AHCYL2: variants seen among roughly 807,000 people sequenced by gnomAD.
AHCYL2 encodes the protein adenosylhomocysteinase like 2.
A neutral mutation model predicts 81.4 loss-of-function variants in AHCYL2; 28 were observed. The observed-to-expected ratio is 0.34, with a 90% CI of 0.25 to 0.47. AHCYL2 has a LOEUF of 0.47. Among genes scored for constraint, AHCYL2 ranks in the 20% least tolerant of loss-of-function variants. AHCYL2 has a pLI of 1.00. For missense variants in AHCYL2, 551 were observed against 785.1 expected (o/e 0.70, Z 3.56); for synonymous variants, 272 against 290.2 (o/e 0.94, Z 0.64).
chr7:129,286,718 C>A (rs1162894636), intron 1 of AHCYL2, among the ~76,000 whole-genome samples: 1 of 152,120 alleles, frequency 6.6e-6, no homozygotes, highest in East Asian at 1.9e-4. Context: ...GCCTTGGCCT[C>A]CCAGAGTGCT....
At position 129,225,112 on chromosome 7, in the gene AHCYL2, C is replaced by A; in HGVS notation, c.36C>A (p.Ala12=). The part of the protein sequence containing the change: ...SVQVVSAAAA[A]KVPEVELKDL... The stretch of plus-strand genomic sequence containing the variant: ...AGGTTGTGTCAGCCGCGGCTGCCGC[C>A]AAGGTGCCTGAGGTGGAGCTGAAGG... Residue 12 remains alanine, a synonymous_variant, in exon 1 of 17, where the codon GCC becomes GCA. Transcript: ENST00000325006. 6.2e-7 allele frequency: 1 copy of A among 1,601,210 alleles called. No homozygotes were observed. Among genetic ancestry groups the A allele is most frequent in the South Asian group, 1.1e-5 (1 of 88,960 alleles).
At chr7:129,328,677 G>A (rs534675843) in intron 1 of AHCYL2, among the ~76,000 whole-genome samples, 65 of 152,106 alleles carry the variant, frequency 4.3e-4, no homozygotes, top group Middle Eastern at 3.4e-3. Flanking sequence ...GTAGAGATAG[G>A]GTTTCACCAT....
intron 1 of AHCYL2, among the ~76,000 whole-genome samples, chr7:129,366,776 C>CA (rs59464433): frequency 0.93 from 128,187 of 138,466 alleles, 59,329 homozygotes; most frequent in East Asian, 0.98. Flanking sequence ...AACTCTGTCT[C>CA]AAAAAAAAAA....
At chr7:129,340,708 G>A (rs62480624) in intron 1 of AHCYL2, among the ~76,000 whole-genome samples, 1 of 3,708 alleles carries the variant, frequency 2.7e-4, no homozygotes, top group Non-Finnish European at 1.2e-3. Context: ...TTACCCATTT[G>A]AGTTTTTTAA....
chr7:129,394,339 C>T (rs181763999), intron 4 of AHCYL2, among the ~76,000 whole-genome samples: 194 of 150,684 alleles, frequency 1.3e-3, no homozygotes, highest in Non-Finnish European at 2.6e-3. Context: ...GGTCTATCTT[C>T]AGGTTCACTG....
chr7:129,274,902 A>G (rs1796147590), intron 1 of AHCYL2, among the ~76,000 whole-genome samples: 2 of 152,118 alleles, frequency 1.3e-5, no homozygotes, highest in Admixed American at 1.3e-4. Context: ...GGCACATGTT[A>G]AGACATCTCA....
chr7:129,350,135 T>C (rs1290353249), intron 1 of AHCYL2, among the ~76,000 whole-genome samples: 1 of 152,174 alleles, frequency 6.6e-6, no homozygotes. Context: ...GGTTAATCCA[T>C]TCAACAAGCA....
Position 129,388,817 on chromosome 7 carries a change from G to C in AHCYL2, c.476-239G>C, listed in dbSNP as rs934664597. The C allele has an allele frequency of 3.0e-5, 13 of 429,194 alleles. No homozygotes were observed. In the Admixed American group the frequency reaches 5.3e-4, roughly 17 times the overall value. The allele number at this position is 429,194 out of a possible 1,614,324, so 26.6% of individuals were successfully genotyped here. On this transcript the variant is annotated intron_variant, in intron 2 of 16. Coordinates refer to ENST00000325006, the MANE Select transcript of AHCYL2 (RefSeq NM_015328.4). ...TCTTTTTGCGTATTCAAGGACCTCT[G>C]CGTGTTCTGAAGATAAAGTTAGCCC...
chr7:129,268,204 A>C (rs1246704456), intron 1 of AHCYL2, among the ~76,000 whole-genome samples: 1 of 152,164 alleles, frequency 6.6e-6, no homozygotes, highest in African/African-American at 2.4e-5. Context: ...TATCTTGAGG[A>C]TCTTGTTTTT....
At chr7:129,421,382 G>A (rs1424011663) in intron 12 of AHCYL2, among the ~76,000 whole-genome samples, 1 of 152,018 alleles carries the variant, frequency 6.6e-6, no homozygotes, top group African/African-American at 2.4e-5. Context: ...GAACTGCCCT[G>A]ATTTACTTAA....
At chr7:129,232,335 A>G (rs949730773) in intron 1 of AHCYL2, among the ~76,000 whole-genome samples, 2 of 152,206 alleles carry the variant, frequency 1.3e-5, no homozygotes, top group African/African-American at 4.8e-5. Context: ...TATAGGCTCA[A>G]AGAGAGTAAT....
At chr7:129,249,060 C>T (rs1293750740) in intron 1 of AHCYL2, among the ~76,000 whole-genome samples, 2 of 146,460 alleles carry the variant, frequency 1.4e-5, no homozygotes, top group African/African-American at 2.5e-5. Flanking sequence ...TGCAGTGGCG[C>T]GATCTTGGCT....
At chr7:129,400,555 G>A (rs1351083660) in intron 6 of AHCYL2, among the ~76,000 whole-genome samples, 171 bp downstream of exon 6, 1 of 152,192 alleles carries the variant, frequency 6.6e-6, no homozygotes, top group East Asian at 1.9e-4. Context: ...GGTACCCCAA[G>A]AGTATTGAAG....
At position 129,428,185 on chromosome 7, in the gene AHCYL2, A is replaced by G. The variant is rs144244717; in HGVS notation, c.*1140A>G. On this transcript the variant is annotated 3_prime_UTR_variant, in exon 17 of 17. Coordinates refer to ENST00000325006, the MANE Select transcript of AHCYL2 (RefSeq NM_015328.4). ...TAATTTGACTAGTTTGAACCTCGTC[A>G]GACATTCATTCCTTTGGCCATTGCC... 116 of 152,380 alleles carry G rather than the reference A, an allele frequency of 7.6e-4. 1 individual carries two copies. The highest frequency in any genetic ancestry group is 2.7e-3 in the African/African-American group (113 of 41,594). 9.4% of individuals were successfully genotyped at this position (152,380 alleles called of 1,614,324 possible). A position where few individuals can be genotyped will look rare whatever the true frequency, so the allele number is the denominator to read the frequency against.
chr7:129,258,493 T>C (rs906456395), intron 1 of AHCYL2, among the ~76,000 whole-genome samples: 8 of 151,980 alleles, frequency 5.3e-5, no homozygotes, highest in Admixed American at 1.3e-4. Flanking sequence ...ATGCCAATAG[T>C]TGGAATAAAG....
chr7:129,333,558 G>A (rs1798494866), intron 1 of AHCYL2, among the ~76,000 whole-genome samples: 1 of 152,088 alleles, frequency 6.6e-6, no homozygotes, highest in African/African-American at 2.4e-5. Flanking sequence ...GGGTAGTAGA[G>A]GTAATACGTT....
rs1439060107 is a variant in AHCYL2 at position 129,225,096 on chromosome 7, C to G, written c.20C>G (p.Ser7Ter). 6.3e-7 allele frequency: 1 copy of G among 1,596,386 alleles called. No homozygotes were observed. Among genetic ancestry groups the G allele is most frequent in the African/African-American group, 1.3e-5 (1 of 74,596 alleles). Reference protein sequence around the residue: MSVQVVSAAAAAKVPEV... With the variant: MSVQVV ...GCGGTGATGTCGGTGCAGGTTGTGT[C>G]AGCCGCGGCTGCCGCCAAGGTGCCT... The change falls in exon 1 of 17, where the codon TCA (serine) becomes TGA (stop). Residue 7 changes from serine (S) to a stop codon, truncating the protein, a stop_gained. Transcript: ENST00000325006. LOFTEE classifies it high-confidence loss of function.
rs1046479261 is a variant in AHCYL2, at chr7:129,419,510, C to T, written c.1462-3330C>T. Among the ~76,000 whole-genome samples the T allele has an allele frequency of 2.0e-5, 3 of 152,030 alleles. No individual in the cohort carries two copies. The highest frequency in any genetic ancestry group is 2.9e-5 in the Non-Finnish European group (2 of 68,004). On this transcript the variant is annotated intron_variant, in intron 12 of 16. Transcript: ENST00000325006. This position sits in a 1 kb window ranked among gnomAD's most constrained non-coding sequence, Gnocchi z 4.7. ...CGGAGGTTGCAGTGAGCCAAGATCACGCCACTGCACTCTAGCCTGGATGAC... is the reference window on the plus strand; with the variant it reads ...CGGAGGTTGCAGTGAGCCAAGATCATGCCACTGCACTCTAGCCTGGATGAC...
intron 1 of AHCYL2, among the ~76,000 whole-genome samples, chr7:129,271,620 C>T (rs1267218893): frequency 2.0e-5 from 3 of 151,988 alleles, no homozygotes; most frequent in Admixed American, 6.6e-5. Flanking sequence ...GCTAAAAACC[C>T]GGGTGCGGGT....
Sources: gnomAD v4.1 joint callset for allele counts (sites outside exome capture counted in the v4.1 genomes callset) on GRCh38, gnomAD v4.1.1 for gene constraint, Gnocchi (gnomAD v3.1) non-coding constraint, MANE v1.5 for transcripts, NCBI Gene and HGNC (gene_info 2026-07-23, HGNC 2026-07-21) for gene names.